Variants in CLASP2 observed in about 807,000 individuals in gnomAD.
CLASP2 encodes the protein cytoplasmic linker associated protein 2.
A neutral mutation model predicts 194.4 loss-of-function variants in CLASP2; 47 were observed. The ratio of observed to expected loss-of-function variants is 0.24; its 90% CI spans 0.19 to 0.31. The LOEUF is 0.31. Ranked by LOEUF, CLASP2 falls within the 10% of genes least tolerant of loss-of-function variation. The pLI is 1.00. For missense variants in CLASP2, 1,445 were observed against 1,823.6 expected, an observed-to-expected ratio of 0.79 and a Z score of 3.78; for synonymous variants, 619 against 633.5, an observed-to-expected ratio of 0.98 and a Z score of 0.34.
At chr3:33,667,951 G>A (rs911759695) in intron 6 of CLASP2, among the ~76,000 whole-genome samples, 3 of 152,156 alleles carry the variant, frequency 2.0e-5, no homozygotes, top group Non-Finnish European at 4.4e-5. Flanking sequence ...TGGGCGCAGT[G>A]GCCCACACCT....
chr3:33,531,962 A>G (rs571353072), intron 34 of CLASP2, among the ~76,000 whole-genome samples: 8 of 152,176 alleles, frequency 5.3e-5, no homozygotes, highest in Non-Finnish European at 1.2e-4. Flanking sequence ...AAAACAGTAC[A>G]GTGTCTTCAA....
intron 34 of CLASP2, among the ~76,000 whole-genome samples, chr3:33,524,212 G>T (rs2053890064): frequency 6.6e-6 from 1 of 151,994 alleles, no homozygotes. Context: ...ATTACTATTT[G>T]CCTGGTATAT....
At chr3:33,600,639 G>A (rs2071821844) in intron 18 of CLASP2, among the ~76,000 whole-genome samples, 1 of 152,064 alleles carries the variant, frequency 6.6e-6, no homozygotes. Flanking sequence ...TATCACACCA[G>A]TCCTTCTTCT....
chr3:33,544,455 G>A (rs545664705), intron 31 of CLASP2, among the ~76,000 whole-genome samples: 1 of 152,092 alleles, frequency 6.6e-6, no homozygotes, highest in Non-Finnish European at 1.5e-5. Flanking sequence ...TGCTTTTCTT[G>A]TTCATACCTG....
At chr3:33,539,022 T>G in intron 32 of CLASP2, 80 bp from the exon 33 acceptor site, 1 of 1,033,586 alleles carries the variant, frequency 9.7e-7, no homozygotes, top group African/African-American at 1.6e-5. Flanking sequence ...TATAAGGATA[T>G]TTATAAAGAC....
chr3:33,567,832 G>GGTAC (rs1481162397), intron 26 of CLASP2, among the ~76,000 whole-genome samples: 2 of 152,024 alleles, frequency 1.3e-5, no homozygotes, highest in African/African-American at 4.8e-5. Flanking sequence ...CCTTCCAAAA[G>GGTAC]GTACGTCTTG....
At chr3:33,510,380 A>C (rs1382087676) in intron 37 of CLASP2, among the ~76,000 whole-genome samples, 178 bp downstream of exon 37, 1 of 152,178 alleles carries the variant, frequency 6.6e-6, no homozygotes, top group East Asian at 1.9e-4. Context: ...ATGTTATGTA[A>C]ATTTTACCAC....
chr3:33,568,462 G>C (rs181730183), intron 26 of CLASP2, among the ~76,000 whole-genome samples: 10,473 of 150,026 alleles, frequency 0.07, 443 homozygotes, highest in Admixed American at 0.1. Flanking sequence ...GCTGAGGCAT[G>C]AGAATCGCTT....
intron 28 of CLASP2, among the ~76,000 whole-genome samples, chr3:33,559,875 CAA>C (rs1306445160): frequency 6.6e-6 from 1 of 151,798 alleles, no homozygotes; most frequent in Non-Finnish European, 1.5e-5. Flanking sequence ...GCATGGGCAA[CAA>C]GAGTGAAACT....
At chr3:33,716,486 G>A (rs1340665189) in intron 1 of CLASP2, among the ~76,000 whole-genome samples, 1 of 152,162 alleles carries the variant, frequency 6.6e-6, no homozygotes, top group Non-Finnish European at 1.5e-5. Context: ...TGTAGAAGAT[G>A]GCACACCAAT....
chr3:33,684,757 T>TG (rs760506651), intron 5 of CLASP2, among the ~76,000 whole-genome samples: 7 of 151,870 alleles, frequency 4.6e-5, no homozygotes, highest in Non-Finnish European at 8.8e-5. Flanking sequence ...CCCAGCACTT[T>TG]GGGAGGCCAA....
At chr3:33,681,608 G>T (rs906362650) in intron 6 of CLASP2, among the ~76,000 whole-genome samples, 3 of 152,200 alleles carry the variant, frequency 2.0e-5, no homozygotes, top group African/African-American at 7.2e-5. Context: ...TAAACTGTCA[G>T]CTTATTCAAC....
intron 34 of CLASP2, among the ~76,000 whole-genome samples, chr3:33,532,374 G>A (rs2056515978): frequency 6.6e-6 from 1 of 152,214 alleles, no homozygotes; most frequent in Non-Finnish European, 1.5e-5. Context: ...AGTGGGGGTG[G>A]AATTGGGGAG....
At chr3:33,592,239 C>T in intron 21 of CLASP2, 156 bp downstream of exon 21, 1 of 714,460 alleles carries the variant, frequency 1.4e-6, no homozygotes, top group South Asian at 1.5e-5. Flanking sequence ...TGATGATGAA[C>T]CTAAAGTACA....
intron 12 of CLASP2, among the ~76,000 whole-genome samples, chr3:33,615,393 G>C (rs1192100901): frequency 7.0e-6 from 1 of 142,876 alleles, no homozygotes; most frequent in African/African-American, 2.6e-5. Context: ...AAAAAAAAAG[G>C]AAAGAAAAGC....
At chr3:33,701,776 G>A (rs761191186) in intron 1 of CLASP2, among the ~76,000 whole-genome samples, 26 of 152,130 alleles carry the variant, frequency 1.7e-4, no homozygotes, top group Non-Finnish European at 2.9e-4. Flanking sequence ...AATAAAAAAT[G>A]AACCTCAACC....
intron 37 of CLASP2, chr3:33,503,726 C>T (rs559628395): frequency 6.6e-6 from 1 of 152,114 alleles, no homozygotes; most frequent in Admixed American, 6.6e-5. Context: ...CCGTGCCCGG[C>T]CTTTATGTTA....
chr3:33,563,967 C>T, intron 27 of CLASP2: 1 of 451,044 alleles, frequency 2.2e-6, no homozygotes, highest in South Asian at 1.6e-5. Flanking sequence ...ATGTGACTCT[C>T]TATAGAATTT....
rs1232217420 is a variant in CLASP2 at position 33,512,588 on chromosome 3, A to G, written c.4111-1824T>C. Among the ~76,000 whole-genome samples, 2 of 143,424 alleles carry G rather than the reference A, an allele frequency of 1.4e-5. 1 individual carries two copies. The highest frequency in any genetic ancestry group is 3.0e-5 in the Non-Finnish European group (2 of 65,994). 94.1% of individuals were successfully genotyped at this position (143,424 alleles called of 152,430 possible). On this transcript the variant is annotated intron_variant, in intron 36 of 38. Transcript: ENST00000682230. Reference sequence around the variant, plus strand: ...AAAAAAAAAAAAAAAAAAAAAAAGAACACGTAAAAATAACTGCTTTTGATG... The same window carrying G: ...AAAAAAAAAAAAAAAAAAAAAAAGAGCACGTAAAAATAACTGCTTTTGATG...
Sources: gnomAD v4.1 joint callset for allele counts (sites outside exome capture counted in the v4.1 genomes callset) on GRCh38, gnomAD v4.1.1 for gene constraint, MANE v1.5 for transcripts, NCBI Gene and HGNC (gene_info 2026-07-23, HGNC 2026-07-21) for gene names.